Variants in RAPGEF6 observed in about 807,000 individuals in gnomAD.
RAPGEF6 encodes the protein PDZ domain containing guanine nucleotide exchange factor (GEF) 2.
In RAPGEF6, 56 loss-of-function variants were observed where a neutral mutation model predicts 171.4. The observed-to-expected ratio is 0.33, with a 90% CI of 0.26 to 0.41. The LOEUF is 0.41. Ranked by LOEUF, RAPGEF6 falls within the 10% of genes least tolerant of loss-of-function variation. The pLI is 1.00. For synonymous variants in RAPGEF6, 692 were observed against 650.1 expected, an observed-to-expected ratio of 1.06 and a Z score of -0.98; for missense variants, 1,674 against 1,921.4, an observed-to-expected ratio of 0.87 and a Z score of 2.41.
rs181808228 is a variant in RAPGEF6 at position 131,604,320 on chromosome 5, C to T, written c.140+303G>A. On this transcript the variant is annotated intron_variant, in intron 2 of 27. Transcript: ENST00000509018. ...TCCTTGAAATACTTCAACAAAGATACTATCATTACCCCTATTTTATTGAAG... is the reference window on the plus strand; with the variant it reads ...TCCTTGAAATACTTCAACAAAGATATTATCATTACCCCTATTTTATTGAAG... 3.3e-5 allele frequency among the ~76,000 whole-genome samples: 5 copies of T among 152,218 alleles called. No individual in the cohort carries two copies. In the East Asian group the frequency reaches 9.6e-4, roughly 29 times the overall value.
chr5:131,599,235 G>A (rs554274980), intron 3 of RAPGEF6, among the ~76,000 whole-genome samples: 35 of 152,264 alleles, frequency 2.3e-4, no homozygotes, highest in Middle Eastern at 3.4e-3. Flanking sequence ...GCTGAGGCAT[G>A]AGAATCGCTT....
intron 11 of RAPGEF6, among the ~76,000 whole-genome samples, chr5:131,500,879 T>C (rs2149883958): frequency 7.5e-6 from 1 of 133,018 alleles, no homozygotes; most frequent in South Asian, 2.6e-4. Context: ...GTCAGTGTTG[T>C]TGAATAAATG....
intron 3 of RAPGEF6, among the ~76,000 whole-genome samples, chr5:131,599,522 A>G (rs10051738): frequency 0.074 from 11,320 of 152,224 alleles, 864 homozygotes; most frequent in African/African-American, 0.2. Context: ...ACACACCTAC[A>G]CACACGGGGT....
At chr5:131,433,399 T>G (rs749572834) in intron 25 of RAPGEF6, 31 bp downstream of exon 25, 1 of 1,582,370 alleles carries the variant, frequency 6.3e-7, no homozygotes, top group East Asian at 2.2e-5. Flanking sequence ...GGCTTGGGTT[T>G]TGTGTTATGA....
chr5:131,522,607 AT>A (rs1758572403), intron 6 of RAPGEF6, among the ~76,000 whole-genome samples: 1 of 152,236 alleles, frequency 6.6e-6, no homozygotes, highest in Admixed American at 6.5e-5. Flanking sequence ...GGTATGTTAG[AT>A]AATTCAGACG....
At chr5:131,557,125 T>C (rs570474610) in intron 5 of RAPGEF6, among the ~76,000 whole-genome samples, 1 of 152,332 alleles carries the variant, frequency 6.6e-6, no homozygotes, top group Admixed American at 6.5e-5. Flanking sequence ...ATGTGACATA[T>C]GTTACAGATC....
At chr5:131,577,672 A>G (rs1762686238) in intron 4 of RAPGEF6, among the ~76,000 whole-genome samples, 1 of 152,154 alleles carries the variant, frequency 6.6e-6, no homozygotes, top group Admixed American at 6.5e-5. Flanking sequence ...TTAGTCATCT[A>G]CAGTACCCTA....
chr5:131,576,592 T>C (rs901515368), intron 4 of RAPGEF6, among the ~76,000 whole-genome samples: 2 of 152,218 alleles, frequency 1.3e-5, no homozygotes, highest in Non-Finnish European at 2.9e-5. Context: ...CAGATCCCAC[T>C]GCTTGAGGCA....
chr5:131,451,960 C>G (rs940997783), intron 21 of RAPGEF6, among the ~76,000 whole-genome samples: 3 of 152,144 alleles, frequency 2.0e-5, no homozygotes, highest in Non-Finnish European at 4.4e-5. Flanking sequence ...AGGCCAGGCG[C>G]GGTGGCTCAC....
chr5:131,511,318 C>T (rs1757705819), intron 7 of RAPGEF6: 1 of 151,898 alleles, frequency 6.6e-6, no homozygotes, highest in African/African-American at 2.4e-5. Context: ...AATGAAAAAG[C>T]ATGGGTATTA....
intron 24 of RAPGEF6, 46 bp from the exon 25 acceptor site, chr5:131,433,704 T>C (rs1751851920): frequency 1.4e-6 from 2 of 1,403,970 alleles, no homozygotes; most frequent in African/African-American, 1.4e-5. Context: ...AAAGGGAACA[T>C]ATGGTGGGGG....
chr5:131,561,940 C>A, intron 5 of RAPGEF6, 38 bp downstream of exon 5: 1 of 1,455,204 alleles, frequency 6.9e-7, no homozygotes, highest in Admixed American at 1.8e-5. Context: ...AAAACTGAAG[C>A]ATATCAAAAA....
Position 131,609,071 on chromosome 5 carries a change from A to C in RAPGEF6, c.70-4378T>G, listed in dbSNP as rs1764787037. 2.6e-5 allele frequency among the ~76,000 whole-genome samples: 4 copies of C among 152,324 alleles called. No individual in the cohort carries two copies. The Middle Eastern group carries it at 0.014, about 518-fold the overall frequency. ...CCAAAGTGCTGAGATTACAGGCGTG[A>C]GCCACTGCGCCCAGCCTGCCATGTG... On this transcript the variant is annotated intron_variant, in intron 1 of 27. Coordinates refer to ENST00000509018, the MANE Select transcript of RAPGEF6 (RefSeq NM_016340.6).
intron 1 of RAPGEF6, among the ~76,000 whole-genome samples, chr5:131,605,354 T>C (rs1764492480): frequency 6.6e-6 from 1 of 152,172 alleles, no homozygotes; most frequent in Non-Finnish European, 1.5e-5. Context: ...CAGCAAATAG[T>C]ATTGTACCAC....
At chr5:131,603,085 T>C (rs1012712854) in intron 3 of RAPGEF6, among the ~76,000 whole-genome samples, 186 bp downstream of exon 3, 1 of 152,178 alleles carries the variant, frequency 6.6e-6, no homozygotes, top group African/African-American at 2.4e-5. Flanking sequence ...ATTTAGTATA[T>C]ATTTATTAAA....
chr5:131,536,826 G>A (rs879193070), intron 6 of RAPGEF6, among the ~76,000 whole-genome samples: 3 of 151,962 alleles, frequency 2.0e-5, no homozygotes, highest in East Asian at 1.9e-4. Context: ...TTCAAACAGC[G>A]TATTAATTTT....
At chr5:131,502,598 G>T (rs1757097864) in intron 11 of RAPGEF6, among the ~76,000 whole-genome samples, 1 of 152,170 alleles carries the variant, frequency 6.6e-6, no homozygotes, top group Non-Finnish European at 1.5e-5. Context: ...CAGGTGGAGG[G>T]TAATACTACA....
At chr5:131,509,430 C>T (rs1031400025) in intron 8 of RAPGEF6, among the ~76,000 whole-genome samples, 1 of 151,942 alleles carries the variant, frequency 6.6e-6, no homozygotes, top group Non-Finnish European at 1.5e-5. Flanking sequence ...GTAGTCCCAG[C>T]TACTCAGGAG....
At chr5:131,522,099 G>A (rs189626105) in intron 6 of RAPGEF6, among the ~76,000 whole-genome samples, 1 of 152,168 alleles carries the variant, frequency 6.6e-6, no homozygotes, top group Admixed American at 6.5e-5. Context: ...GCTTCTAGTT[G>A]GCCCCTGAGA....
Sources: allele counts gnomAD v4.1 joint callset (sites outside exome capture counted in the v4.1 genomes callset), GRCh38; gene constraint gnomAD v4.1.1; transcripts MANE v1.5; gene names NCBI Gene and HGNC (gene_info 2026-07-23, HGNC 2026-07-21).